The following AKT3 variants were observed in gnomAD, a reference collection of about 807,000 sequenced individuals.
The protein encoded by AKT3 is RAC-gamma serine/threonine-protein kinase.
A neutral mutation model predicts 65.3 loss-of-function variants in AKT3; 15 were observed. The ratio of observed to expected loss-of-function variants is 0.23; its 90% CI spans 0.15 to 0.35. The LOEUF (loss-of-function observed/expected upper bound fraction) is 0.35. Among genes scored for constraint, AKT3 ranks in the 10% least tolerant of loss-of-function variants. The pLI, the probability that AKT3 is intolerant of heterozygous loss-of-function variation, is 1.00. For missense variants in AKT3, 243 were observed against 576.5 expected (o/e 0.42, Z 5.92); for synonymous variants, 206 against 183.8 (o/e 1.12, Z -0.98).
intron 6 of AKT3, among the ~76,000 whole-genome samples, chr1:243,617,780 G>A (rs1256529545): frequency 6.6e-6 from 1 of 152,040 alleles, no homozygotes; most frequent in Non-Finnish European, 1.5e-5. Context: ...ATAACCCCAA[G>A]AGAGAAGTGA....
chr1:243,648,756 A>G (rs1490861373), intron 4 of AKT3, among the ~76,000 whole-genome samples: 1 of 152,068 alleles, frequency 6.6e-6, no homozygotes, highest in Non-Finnish European at 1.5e-5. Context: ...ATTCATTGAT[A>G]TTGGGTTTTC....
At chr1:243,708,918 CA>C (rs1685975594) in intron 2 of AKT3, among the ~76,000 whole-genome samples, 1 of 151,896 alleles carries the variant, frequency 6.6e-6, no homozygotes, top group African/African-American at 2.4e-5. Context: ...GACAAATTGG[CA>C]ATGTGGAGTT....
intron 12 of AKT3, among the ~76,000 whole-genome samples, chr1:243,533,903 TA>T (rs1165615649): frequency 6.6e-6 from 1 of 152,098 alleles, no homozygotes; most frequent in African/African-American, 2.4e-5. Context: ...GGCAGGAGAA[TA>T]GTGTGAAGCC....
At chr1:243,583,302 A>G (rs1392347383) in intron 8 of AKT3, among the ~76,000 whole-genome samples, 1 of 150,470 alleles carries the variant, frequency 6.6e-6, no homozygotes, top group East Asian at 1.9e-4. Context: ...CTAGATCTAC[A>G]AAAAGACATA....
chr1:243,577,623 C>T (rs1053851465), intron 8 of AKT3, among the ~76,000 whole-genome samples: 1 of 152,142 alleles, frequency 6.6e-6, no homozygotes, highest in Admixed American at 6.5e-5. Context: ...CCATTCAGGA[C>T]ATAGGTACGG....
chr1:243,663,301 A>G (rs1188174415), intron 4 of AKT3, among the ~76,000 whole-genome samples: 1 of 152,206 alleles, frequency 6.6e-6, no homozygotes, highest in Non-Finnish European at 1.5e-5. Context: ...GAAAAATAAC[A>G]TTTTAAGCTC....
At chr1:243,608,736 T>G (rs1312977101) in intron 8 of AKT3, among the ~76,000 whole-genome samples, 1 of 132,772 alleles carries the variant, frequency 7.5e-6, no homozygotes, top group South Asian at 2.4e-4. Context: ...AGTAATTAAG[T>G]TTTTTGCTTT....
intron 6 of AKT3, among the ~76,000 whole-genome samples, chr1:243,632,213 T>A (rs549703733): frequency 1.7e-4 from 26 of 152,336 alleles, no homozygotes; most frequent in Non-Finnish European, 3.4e-4. Flanking sequence ...CAAAATGTAT[T>A]TCTTAAATAA....
intron 6 of AKT3, among the ~76,000 whole-genome samples, chr1:243,626,313 G>A (rs973463068): frequency 1.3e-5 from 2 of 152,180 alleles, no homozygotes; most frequent in Non-Finnish European, 2.9e-5. Flanking sequence ...CGGTTACTAA[G>A]AGATGGGATG....
chr1:243,703,216 A>G (rs1685576881), intron 2 of AKT3, among the ~76,000 whole-genome samples: 1 of 152,142 alleles, frequency 6.6e-6, no homozygotes, highest in African/African-American at 2.4e-5. Context: ...ATAAATAAAT[A>G]TTAGCACAAA....
intron 3 of AKT3, among the ~76,000 whole-genome samples, chr1:243,691,527 G>C (rs868365685): frequency 6.6e-6 from 1 of 152,090 alleles, no homozygotes; most frequent in African/African-American, 2.4e-5. Flanking sequence ...TCATTCTGGG[G>C]TGATTATAGA....
Position 243,499,799 on chromosome 1 carries a change from G to C in AKT3, c.*5450C>G, listed in dbSNP as rs901936599. The C allele has an allele frequency of 1.9e-6, 3 of 1,611,324 alleles. No individual in the cohort carries two copies. The highest frequency in any genetic ancestry group is 3.3e-5 in the Admixed American group (2 of 60,032). On this transcript the variant is annotated 3_prime_UTR_variant, in exon 14 of 14. Transcript: ENST00000673466. ...TCTGATTGCTGACCTGGATGGAACA[G>C]AGTGAAATAAATGATTTACAAAGAG...
chr1:243,840,251 T>C (rs1437307339), intron 2 of AKT3, among the ~76,000 whole-genome samples: 1 of 151,854 alleles, frequency 6.6e-6, no homozygotes, highest in Non-Finnish European at 1.5e-5. Context: ...CAAATTAAAG[T>C]ATGGCAGCTC....
chr1:243,731,132 G>A (rs980050443), intron 2 of AKT3, among the ~76,000 whole-genome samples: 8 of 152,192 alleles, frequency 5.3e-5, no homozygotes, highest in African/African-American at 1.7e-4. Flanking sequence ...GAAGGATCCC[G>A]TGACATTTCG....
Position 243,824,153 on chromosome 1 carries a change from T to C in AKT3, c.46+18972A>G, listed in dbSNP as rs562913799. 4.1e-3 allele frequency among the ~76,000 whole-genome samples: 621 copies of C among 152,182 alleles called. 3 individuals are homozygous for C. The highest frequency in any genetic ancestry group is 7.1e-3 in the Non-Finnish European group (481 of 67,996). On this transcript the variant is annotated intron_variant, in intron 2 of 13. Coordinates refer to ENST00000673466, the MANE Select transcript of AKT3 (RefSeq NM_005465.7). ...TGACAAACCTGACAAAAACAAGCAATGGGGAAAGGATTCCCTATTTAACAA... is the reference window on the plus strand; with the variant it reads ...TGACAAACCTGACAAAAACAAGCAACGGGGAAAGGATTCCCTATTTAACAA...
chr1:243,700,270 T>C (rs1404007582), intron 2 of AKT3, among the ~76,000 whole-genome samples: 4 of 152,184 alleles, frequency 2.6e-5, no homozygotes, highest in African/African-American at 4.8e-5. Context: ...TAGAGAATCC[T>C]ACTTGTAAAT....
At chr1:243,642,399 T>A (rs1402936051) in intron 5 of AKT3, among the ~76,000 whole-genome samples, 1 of 152,228 alleles carries the variant, frequency 6.6e-6, no homozygotes, top group African/African-American at 2.4e-5. Context: ...AAGCTCTGCC[T>A]CCTGAGATCA....
At chr1:243,543,457 T>A (rs1279874364) in intron 12 of AKT3, among the ~76,000 whole-genome samples, 5 of 18,818 alleles carry the variant, frequency 2.7e-4, no homozygotes, top group African/African-American at 5.7e-5. Flanking sequence ...CTTTTCCTCT[T>A]CTTTTTTTTT....
intron 2 of AKT3, among the ~76,000 whole-genome samples, chr1:243,731,085 C>A (rs963066831): frequency 8.5e-5 from 13 of 152,214 alleles, no homozygotes; most frequent in Non-Finnish European, 1.5e-5. Flanking sequence ...AGGGGCGCCA[C>A]AGGCCACAAT....
Sources: allele counts gnomAD v4.1 joint callset (sites outside exome capture counted in the v4.1 genomes callset), GRCh38; gene constraint gnomAD v4.1.1; transcripts MANE v1.5; gene names NCBI Gene and HGNC (gene_info 2026-07-23, HGNC 2026-07-21).